Variants in TCEANC2 observed in about 807,000 individuals in gnomAD.
TCEANC2 encodes transcription elongation factor A N-terminal and central domain containing 2.
Under a neutral mutation model 22.8 loss-of-function variants are expected in TCEANC2, and 20 were observed. The observed-to-expected ratio is 0.88, with a 90% confidence interval of 0.62 to 1.28. The LOEUF (loss-of-function observed/expected upper bound fraction) is 1.28, where lower values mean the gene tolerates loss of function less well. Ranked by LOEUF, TCEANC2 falls within the 50% of genes most tolerant of loss-of-function variation. TCEANC2 has a pLI of 0.00. For synonymous variants in TCEANC2, 84 were observed against 95.5 expected (o/e 0.88, Z 0.70); for missense variants, 251 against 249.7 (o/e 1.01, Z -0.03).
At chr1:54,094,498 C>G (rs1184315044) in intron 4 of TCEANC2, among the ~76,000 whole-genome samples, 1 of 152,168 alleles carries the variant, frequency 6.6e-6, no homozygotes, top group Non-Finnish European at 1.5e-5. Context: ...AACTTCATTT[C>G]CTCTTGAAGC....
rs1658701098 is a variant in TCEANC2, at chr1:54,103,835, T to C, written c.*7362T>C. The C allele has an allele frequency of 1.3e-5, 2 of 152,104 alleles. No individual in the cohort carries two copies. Among genetic ancestry groups the C allele is most frequent in the African/African-American group, 4.8e-5 (2 of 41,332 alleles). 9.4% of individuals were successfully genotyped at this position (152,104 alleles called of 1,614,324 possible). On this transcript the variant is annotated 3_prime_UTR_variant, in exon 5 of 5. Coordinates refer to ENST00000234827, the MANE Select transcript of TCEANC2 (RefSeq NM_153035.3). ...GATACGAGTTCATCTTCACTGCTTG[T>C]AGAGCTTCATCCAGCACAACTCTCA...
At chr1:54,055,868 G>A (rs1040559041) in intron 2 of TCEANC2, among the ~76,000 whole-genome samples, 2 of 152,166 alleles carry the variant, frequency 1.3e-5, no homozygotes, top group African/African-American at 2.4e-5. Flanking sequence ...TCTATAAAAC[G>A]TGGAGATTGA....
chr1:54,054,490 A>G lies in TCEANC2; in HGVS notation c.68A>G (p.Lys23Arg). 1 of 1,613,902 alleles carries G rather than the reference A, an allele frequency of 6.2e-7. No individual in the cohort carries two copies. Among genetic ancestry groups the G allele is most frequent in the Non-Finnish European group, 8.5e-7 (1 of 1,179,906 alleles). The part of the protein sequence containing the change: ...NSPQKKDSGG[K>R]VYKQATIESL... ...CCTCAGAAGAAAGATTCTGGAGGAAAGGTTTACAAGCAGGCCACGATTGAA... is the reference window on the plus strand; with the variant it reads ...CCTCAGAAGAAAGATTCTGGAGGAAGGGTTTACAAGCAGGCCACGATTGAA... Residue 23 changes from lysine to arginine, a missense_variant, in exon 2 of 5, where the codon AAG (lysine) becomes AGG (arginine). Lys to Arg is a conservative substitution (Grantham distance 26). Coordinates refer to ENST00000234827, the MANE Select transcript of TCEANC2 (RefSeq NM_153035.3).
At chr1:54,059,594 A>G (rs1407296668) in intron 2 of TCEANC2, among the ~76,000 whole-genome samples, 1 of 152,206 alleles carries the variant, frequency 6.6e-6, no homozygotes, top group Admixed American at 6.5e-5. Flanking sequence ...TCCTTCCCTC[A>G]TTAGTACTCT....
downstream of TCEANC2, among the ~76,000 whole-genome samples, chr1:54,107,527 C>G (rs914200754): frequency 6.6e-6 from 1 of 152,164 alleles, no homozygotes; most frequent in Admixed American, 6.6e-5. Context: ...GTGGATTAAA[C>G]TCCACCTCCT....
intron 4 of TCEANC2, among the ~76,000 whole-genome samples, chr1:54,093,733 CTTTTT>C (rs34379281): frequency 4.3e-5 from 6 of 140,842 alleles, no homozygotes; most frequent in Non-Finnish European, 9.2e-5. Flanking sequence ...TCTCAGAGTA[CTTTTT>C]TTTTTTTTTT....
At chr1:54,062,177 G>A (rs566975740) in intron 2 of TCEANC2, among the ~76,000 whole-genome samples, 2 of 152,156 alleles carry the variant, frequency 1.3e-5, no homozygotes, top group Non-Finnish European at 2.9e-5. Flanking sequence ...TCCCTAATTG[G>A]TTTTGTCAAA....
chr1:54,100,260 AAAAT>A lies in TCEANC2; in HGVS notation c.*3799_*3802del, dbSNP rs1188014730. The A allele has an allele frequency of 6.6e-6, 1 of 152,172 alleles. No individual in the cohort carries two copies. The highest frequency in any genetic ancestry group is 1.9e-4 in the East Asian group (1 of 5,198). The allele number at this position is 152,172 out of a possible 1,614,324, so 9.4% of individuals were successfully genotyped here. On this transcript the variant is annotated 3_prime_UTR_variant, in exon 5 of 5. Transcript: ENST00000234827. ...TCAGTCTCAAAGATAAAATAAAATA[AAAAT>A]AAATAAATAAAAATTGGAGGTCTTG...
At chr1:54,068,649 C>A in intron 2 of TCEANC2, 107 bp from the exon 3 acceptor site, 1 of 1,217,036 alleles carries the variant, frequency 8.2e-7, no homozygotes, top group South Asian at 1.9e-5. Flanking sequence ...TGGTTCAGGT[C>A]ATAATCAATA....
chr1:54,094,068 C>T (rs1463943038), intron 4 of TCEANC2, among the ~76,000 whole-genome samples: 1 of 152,164 alleles, frequency 6.6e-6, no homozygotes, highest in African/African-American at 2.4e-5. Flanking sequence ...TTCTAGAGAA[C>T]CACAGCGCCA....
At chr1:54,087,677 G>A (rs539101168) in intron 3 of TCEANC2, among the ~76,000 whole-genome samples, 24 of 152,204 alleles carry the variant, frequency 1.6e-4, no homozygotes, top group African/African-American at 4.3e-4. Flanking sequence ...TGAATCACAC[G>A]TCGCATTTGG....
intron 3 of TCEANC2, among the ~76,000 whole-genome samples, chr1:54,079,613 A>G (rs747949522): frequency 6.6e-6 from 1 of 152,116 alleles, no homozygotes; most frequent in African/African-American, 2.4e-5. Flanking sequence ...TTCTTCTCAC[A>G]TCTCATCTCT....
chr1:54,056,915 G>A (rs936378546), intron 2 of TCEANC2, among the ~76,000 whole-genome samples: 2 of 151,726 alleles, frequency 1.3e-5, no homozygotes, highest in South Asian at 2.1e-4. Context: ...GGTGGGGAGC[G>A]CCTGTAGTCA....
In TCEANC2 at chr1:54,096,340, G is replaced by T; in HGVS notation, c.494G>T (p.Arg165Leu). Reference sequence around the variant, plus strand: ...CGGGAAACGTTTCATCTCTGCTCCCGCCTCATTAATGGGCCGTACCGGCGG... The same window carrying T: ...CGGGAAACGTTTCATCTCTGCTCCCTCCTCATTAATGGGCCGTACCGGCGG... The part of the protein sequence containing the change: ...IERETFHLCS[R>L]LINGPYRRTV... The change falls in exon 5 of 5, where the codon CGC (arginine) becomes CTC (leucine). Residue 165 changes from arginine (R) to leucine (L), a missense_variant. Transcript: ENST00000234827. The surrounding 1 kb of genome is among the most constrained non-coding windows in gnomAD (Gnocchi z 4.9). 1 of 1,609,206 alleles carries T rather than the reference G, an allele frequency of 6.2e-7. No individual in the cohort carries two copies. Among genetic ancestry groups the T allele is most frequent in the Non-Finnish European group, 8.5e-7 (1 of 1,175,798 alleles).
chr1:54,060,632 A>C (rs1657834181), intron 2 of TCEANC2, among the ~76,000 whole-genome samples: 1 of 151,998 alleles, frequency 6.6e-6, no homozygotes. Flanking sequence ...TCATATAGAC[A>C]ATAAGGGCTA....
intron 3 of TCEANC2, 145 bp from the exon 4 acceptor site, chr1:54,088,452 G>A (rs1005542742): frequency 2.1e-5 from 12 of 565,290 alleles, no homozygotes; most frequent in East Asian, 2.1e-4. Context: ...TAGTCCTTGT[G>A]AAATGGGTTT....
downstream of TCEANC2, among the ~76,000 whole-genome samples, chr1:54,106,501 T>G (rs1458192401): frequency 6.6e-6 from 1 of 152,214 alleles, no homozygotes; most frequent in Non-Finnish European, 1.5e-5. Flanking sequence ...TTTTACATTT[T>G]TTGTACTAAG....
rs140472514 is a variant in TCEANC2 at position 54,065,203 on chromosome 1, C to T, written c.103-3553C>T. On this transcript the variant is annotated intron_variant, in intron 2 of 4. Transcript: ENST00000234827. Reference sequence around the variant, plus strand: ...AAATATCATTATTGAAGCAGAAACACATCAAACAGGTTAAACATAGGCAAG... The same window carrying T: ...AAATATCATTATTGAAGCAGAAACATATCAAACAGGTTAAACATAGGCAAG... Among the ~76,000 whole-genome samples, 614 of 152,208 alleles carry T rather than the reference C, an allele frequency of 4.0e-3. 1 individual carries two copies. Among genetic ancestry groups the T allele is most frequent in the Non-Finnish European group, 6.7e-3 (456 of 68,012 alleles).
chr1:54,086,080 A>G (rs1174668954), intron 3 of TCEANC2, among the ~76,000 whole-genome samples: 2 of 152,086 alleles, frequency 1.3e-5, no homozygotes, highest in Non-Finnish European at 2.9e-5. Context: ...TCCATCTCAT[A>G]ATAAGGTATA....
Sources: gnomAD v4.1 joint callset for allele counts (sites outside exome capture counted in the v4.1 genomes callset) on GRCh38, gnomAD v4.1.1 for gene constraint, Gnocchi (gnomAD v3.1) non-coding constraint, MANE v1.5 for transcripts, NCBI Gene and HGNC (gene_info 2026-07-23, HGNC 2026-07-21) for gene names.